Variants in EDIL3 observed in about 807,000 individuals in gnomAD.
EDIL3 encodes the protein EGF like and discoidin domains 3, also known as EGF-like repeat and discoidin I-like domain-containing protein 3.
In EDIL3, 37 loss-of-function variants were observed where a neutral mutation model predicts 67.4. That is an observed-to-expected ratio of 0.55 (90% confidence interval 0.42 to 0.72). EDIL3 has a LOEUF of 0.72. Among genes scored for constraint, EDIL3 ranks in the 30% least tolerant of loss-of-function variants. The probability of loss-of-function intolerance (pLI) is 0.00; values close to 1 mark genes in which losing one functional copy is unlikely to be tolerated. For synonymous variants in EDIL3, 195 were observed against 196.3 expected, an observed-to-expected ratio of 0.99 and a Z score of 0.05; for missense variants, 527 against 586.3, an observed-to-expected ratio of 0.90 and a Z score of 1.04.
At chr5:84,339,787 GAAGAT>G (rs1747062454) in intron 1 of EDIL3, among the ~76,000 whole-genome samples, 1 of 151,942 alleles carries the variant, frequency 6.6e-6, no homozygotes, top group African/African-American at 2.4e-5. Flanking sequence ...TCTAACACTA[GAAGAT>G]AAGTCTAAGA....
chr5:84,054,160 A>C (rs1379462855), intron 9 of EDIL3, among the ~76,000 whole-genome samples: 1 of 152,256 alleles, frequency 6.6e-6, no homozygotes, highest in African/African-American at 2.4e-5. Flanking sequence ...CAACATATGC[A>C]AATCAGTAAA....
chr5:84,313,197 C>A (rs893326836), intron 1 of EDIL3, among the ~76,000 whole-genome samples: 5 of 152,190 alleles, frequency 3.3e-5, no homozygotes, highest in African/African-American at 1.2e-4. Context: ...CACTGCTGGT[C>A]AGGTTAAAAG....
chr5:84,325,255 A>C (rs1746734878), intron 1 of EDIL3, among the ~76,000 whole-genome samples: 1 of 152,080 alleles, frequency 6.6e-6, no homozygotes, highest in East Asian at 1.9e-4. Flanking sequence ...CAGAATGTAT[A>C]GTGAATTCTT....
chr5:84,037,832 T>C (rs1289479013), intron 9 of EDIL3, among the ~76,000 whole-genome samples: 2 of 152,062 alleles, frequency 1.3e-5, no homozygotes, highest in Non-Finnish European at 2.9e-5. Flanking sequence ...TAAAACAAAG[T>C]CTTTCACCAT....
At chr5:83,980,422 A>G (rs936796741) in intron 9 of EDIL3, among the ~76,000 whole-genome samples, 11 of 151,890 alleles carry the variant, frequency 7.2e-5, no homozygotes, top group African/African-American at 1.9e-4. Context: ...GATCTTGTAT[A>G]TAGAAAATCC....
chr5:84,156,035 A>G (rs1338186904), intron 4 of EDIL3, among the ~76,000 whole-genome samples: 1 of 152,210 alleles, frequency 6.6e-6, no homozygotes, highest in Non-Finnish European at 1.5e-5. Flanking sequence ...GACTGACTGT[A>G]TCCTCTAGAG....
At chr5:84,270,355 G>T (rs2112095422) in intron 1 of EDIL3, among the ~76,000 whole-genome samples, 1 of 152,218 alleles carries the variant, frequency 6.6e-6, no homozygotes, top group East Asian at 1.9e-4. Context: ...CAGGAGCCCA[G>T]CACATTCTCA....
At chr5:84,347,068 C>T (rs1747253387) in intron 1 of EDIL3, among the ~76,000 whole-genome samples, 1 of 152,172 alleles carries the variant, frequency 6.6e-6, no homozygotes, top group Non-Finnish European at 1.5e-5. Context: ...CCTTCTAAGT[C>T]CTAGCTCTGG....
intron 4 of EDIL3, among the ~76,000 whole-genome samples, chr5:84,147,371 A>C (rs1174029121): frequency 6.6e-6 from 1 of 152,102 alleles, no homozygotes; most frequent in Non-Finnish European, 1.5e-5. Context: ...ATGCATGTAC[A>C]TATCTCTTGA....
chr5:83,992,372 C>A (rs912441581), intron 9 of EDIL3, among the ~76,000 whole-genome samples: 1 of 152,090 alleles, frequency 6.6e-6, no homozygotes. Context: ...TTGATTTAGA[C>A]AATATACTTC....
chr5:84,070,235 T>C (rs937876503), intron 6 of EDIL3, among the ~76,000 whole-genome samples: 1 of 152,082 alleles, frequency 6.6e-6, no homozygotes, highest in Non-Finnish European at 1.5e-5. Flanking sequence ...AACCCCGGGA[T>C]AGAGAAAGCC....
At chr5:84,196,451 T>C (rs373033071) in intron 3 of EDIL3, among the ~76,000 whole-genome samples, 1 of 152,148 alleles carries the variant, frequency 6.6e-6, no homozygotes, top group African/African-American at 2.4e-5. Context: ...TGTGATCTTG[T>C]TTTCTCAATG....
chr5:84,264,635 T>C (rs965829971), intron 1 of EDIL3, among the ~76,000 whole-genome samples: 1 of 152,166 alleles, frequency 6.6e-6, no homozygotes, highest in African/African-American at 2.4e-5. Context: ...ACTTTACGCT[T>C]TTAGATAATA....
chr5:83,949,493 A>G (rs769160895), intron 10 of EDIL3, among the ~76,000 whole-genome samples: 11 of 151,912 alleles, frequency 7.2e-5, no homozygotes, highest in Non-Finnish European at 1.5e-4. Context: ...TAATTGTAAC[A>G]TATTAGACAA....
At chr5:84,115,575 G>T (rs139509006) in intron 5 of EDIL3, among the ~76,000 whole-genome samples, 6 of 152,100 alleles carry the variant, frequency 3.9e-5, no homozygotes, top group Admixed American at 3.9e-4. Flanking sequence ...AATCTAAGAC[G>T]ATTATCCTCT....
At position 84,111,803 on chromosome 5, in the gene EDIL3, T is replaced by C. The variant is rs535309051; in HGVS notation, c.470-4973A>G. 1.3e-4 allele frequency among the ~76,000 whole-genome samples: 20 copies of C among 152,318 alleles called. No homozygotes were observed. In the South Asian group the frequency reaches 3.5e-3, roughly 27 times the overall value. The stretch of plus-strand genomic sequence containing the variant: ...TACAGTACTGGTTTCCTCAAGGGGC[T>C]TCAGTGTAATGGGGAGACACAGAGA... On this transcript the variant is annotated intron_variant, in intron 5 of 10. Transcript: ENST00000296591.
chr5:84,314,620 A>C (rs889108338), intron 1 of EDIL3, among the ~76,000 whole-genome samples: 36 of 152,222 alleles, frequency 2.4e-4, no homozygotes, highest in Non-Finnish European at 4.4e-5. Context: ...TCTTCCTTCC[A>C]AAACACGTTG....
At position 84,067,469 on chromosome 5, in the gene EDIL3, G is replaced by T. The variant is rs80189668; in HGVS notation, c.652-863C>A. Among the ~76,000 whole-genome samples the T allele has an allele frequency of 7.1e-3, 1,085 of 152,160 alleles. 15 individuals are homozygous for T. Among genetic ancestry groups the T allele is most frequent in the African/African-American group, 0.025 (1,042 of 41,510 alleles). On this transcript the variant is annotated intron_variant, in intron 6 of 10. Transcript: ENST00000296591. ...AACATTAAAATTAAAATGCCTTTAT[G>T]ATGTCTATAAAATCTTTTAAATGTT...
chr5:84,262,314 A>T (rs1379528528), intron 1 of EDIL3, among the ~76,000 whole-genome samples: 2 of 152,156 alleles, frequency 1.3e-5, no homozygotes, highest in Non-Finnish European at 2.9e-5. Flanking sequence ...GAAGAAGGAG[A>T]AAGGAATAGG....
Sources: gnomAD v4.1 joint callset for allele counts (sites outside exome capture counted in the v4.1 genomes callset) on GRCh38, gnomAD v4.1.1 for gene constraint, MANE v1.5 for transcripts, NCBI Gene and HGNC (gene_info 2026-07-23, HGNC 2026-07-21) for gene names.